The following CFTR variants were observed in gnomAD, a reference collection of about 807,000 sequenced individuals.
CFTR encodes the protein cystic fibrosis transmembrane conductance regulator.
CFTR carries 181 observed loss-of-function variants against 171.6 expected under a neutral mutation model. The observed-to-expected ratio is 1.05, with a 90% confidence interval of 0.93 to 1.19. The LOEUF is 1.19. Among genes scored for constraint, CFTR ranks in the 50% most tolerant of loss-of-function variants. CFTR has a pLI of 0.00. For missense variants in CFTR, 1,968 were observed against 1,734.7 expected, an observed-to-expected ratio of 1.13 and a Z score of -2.39; for synonymous variants, 583 against 608.0, an observed-to-expected ratio of 0.96 and a Z score of 0.60.
intron 3 of CFTR, among the ~76,000 whole-genome samples, chr7:117,523,153 G>A (rs1798710105): frequency 6.6e-6 from 1 of 152,102 alleles, no homozygotes; most frequent in Non-Finnish European, 1.5e-5. Flanking sequence ...TTCGGTTGAG[G>A]AAAGATGACA....
intron 11 of CFTR, among the ~76,000 whole-genome samples, chr7:117,578,650 A>G (rs1253078602): frequency 6.6e-6 from 1 of 152,128 alleles, no homozygotes; most frequent in Non-Finnish European, 1.5e-5. Flanking sequence ...TATATTTATA[A>G]ATGAAACTCA....
Position 117,559,482 on chromosome 7 carries a change from A to G in CFTR, c.1411A>G (p.Ile471Val), listed in dbSNP as rs1459732115. The change falls in exon 11 of 27, where the codon ATT becomes GTT. Residue 471 changes from isoleucine to valine, a missense_variant. Coordinates refer to ENST00000003084, the MANE Select transcript of CFTR (RefSeq NM_000492.4). Reference sequence around the variant, plus strand: ...TTTCCAGACTTCACTTCTAATGGTGATTATGGGAGAACTGGAGCCTTCAGA... The same window carrying G: ...TTTCCAGACTTCACTTCTAATGGTGGTTATGGGAGAACTGGAGCCTTCAGA... The part of the protein sequence containing the change: ...GAGKTSLLMV[I>V]MGELEPSEGK... The G allele has an allele frequency of 1.2e-6, 2 of 1,607,006 alleles. No homozygotes were observed. Among genetic ancestry groups the G allele is most frequent in the Admixed American group, 1.7e-5 (1 of 60,006 alleles).
intron 10 of CFTR, among the ~76,000 whole-genome samples, chr7:117,549,392 C>A (rs530500027): frequency 2.6e-5 from 4 of 152,176 alleles, no homozygotes; most frequent in African/African-American, 7.2e-5. Context: ...CTTAACCTGG[C>A]ATATTTGGAG....
intron 11 of CFTR, among the ~76,000 whole-genome samples, chr7:117,568,455 A>G (rs1237167924): frequency 2.0e-5 from 3 of 152,168 alleles, no homozygotes; most frequent in African/African-American, 4.8e-5. Flanking sequence ...CTTGCCAGGT[A>G]GGAAGGAGTA....
chr7:117,609,516 G>A (rs569307940), intron 18 of CFTR, among the ~76,000 whole-genome samples: 17 of 152,088 alleles, frequency 1.1e-4, no homozygotes, highest in Middle Eastern at 3.4e-3. Flanking sequence ...ACATGTTAGC[G>A]GACTTTGTAC....
chr7:117,573,275 TTAA>T (rs1791723230), intron 11 of CFTR, among the ~76,000 whole-genome samples: 2 of 152,182 alleles, frequency 1.3e-5, no homozygotes, highest in South Asian at 2.1e-4. Context: ...TATGCACTCC[TTAA>T]TAATAAAGTA....
intron 23 of CFTR, among the ~76,000 whole-genome samples, chr7:117,649,392 A>T (rs912780019): frequency 6.7e-6 from 1 of 149,822 alleles, no homozygotes; most frequent in Non-Finnish European, 1.5e-5. Flanking sequence ...CTATATATAC[A>T]CACATATATC....
At chr7:117,525,284 G>A (rs1248858410) in intron 3 of CFTR, among the ~76,000 whole-genome samples, 1 of 151,472 alleles carries the variant, frequency 6.6e-6, no homozygotes, top group Non-Finnish European at 1.5e-5. Flanking sequence ...CATTTGCTGA[G>A]GAGAGCTTTA....
chr7:117,484,662 C>T (rs1798044842), intron 1 of CFTR, among the ~76,000 whole-genome samples: 1 of 151,724 alleles, frequency 6.6e-6, no homozygotes, highest in Admixed American at 6.6e-5. Flanking sequence ...ACCTCCTGTA[C>T]CTGATATATG....
chr7:117,485,112 C>T (rs1034879943), intron 1 of CFTR, among the ~76,000 whole-genome samples: 14 of 152,152 alleles, frequency 9.2e-5, no homozygotes, highest in African/African-American at 3.4e-4. Context: ...TTTAAAGGTC[C>T]TTGAGTGAGT....
intron 1 of CFTR, among the ~76,000 whole-genome samples, chr7:117,483,626 C>G (rs1227924341): frequency 6.6e-6 from 1 of 152,154 alleles, no homozygotes; most frequent in Non-Finnish European, 1.5e-5. Flanking sequence ...GTGACACAAT[C>G]ATAACTCACT....
chr7:117,546,681 A>C (rs2115896107), intron 9 of CFTR, among the ~76,000 whole-genome samples: 1 of 152,302 alleles, frequency 6.6e-6, no homozygotes, highest in East Asian at 1.9e-4. Context: ...TTATTGGATA[A>C]AAGTCCCACT....
chr7:117,559,341 C>A, intron 10 of CFTR, 123 bp from the exon 11 acceptor site: 1 of 736,344 alleles, frequency 1.4e-6, no homozygotes, highest in South Asian at 1.5e-5. Flanking sequence ...TATTTTGAAT[C>A]AAATGAGTTA....
chr7:117,492,577 G>A (rs1798176671), intron 1 of CFTR, among the ~76,000 whole-genome samples: 1 of 151,908 alleles, frequency 6.6e-6, no homozygotes, highest in African/African-American at 2.4e-5. Flanking sequence ...GTCTTCTGAG[G>A]GAAAGAAATT....
At chr7:117,594,161 T>A (rs1279441704) in intron 14 of CFTR, among the ~76,000 whole-genome samples, 1 of 152,140 alleles carries the variant, frequency 6.6e-6, no homozygotes, top group Non-Finnish European at 1.5e-5. Flanking sequence ...AGGATGTTAA[T>A]GGTGGAGGTT....
intron 24 of CFTR, among the ~76,000 whole-genome samples, chr7:117,658,334 G>A (rs1793213784): frequency 6.6e-6 from 1 of 152,142 alleles, no homozygotes; most frequent in African/African-American, 2.4e-5. Flanking sequence ...CCAGCGCAGT[G>A]CCTGGCAAAT....
intron 15 of CFTR, among the ~76,000 whole-genome samples, chr7:117,600,071 C>T (rs960773276): frequency 4.0e-5 from 6 of 151,804 alleles, no homozygotes; most frequent in Non-Finnish European, 7.4e-5. Flanking sequence ...GTAAAATAGG[C>T]TTCCCTTTTG....
At chr7:117,624,782 G>A (rs1446880111) in intron 21 of CFTR, among the ~76,000 whole-genome samples, 2 of 152,114 alleles carry the variant, frequency 1.3e-5, no homozygotes, top group South Asian at 2.1e-4. Flanking sequence ...TATGTTTTGA[G>A]TCCTTAGGCT....
intron 9 of CFTR, among the ~76,000 whole-genome samples, chr7:117,542,865 GCA>G (rs1275246351): frequency 6.6e-6 from 1 of 152,170 alleles, no homozygotes; most frequent in African/African-American, 2.4e-5. Context: ...AGAGTACCAT[GCA>G]CACAGTTGTT....
Sources: gnomAD v4.1 joint callset for allele counts (sites outside exome capture counted in the v4.1 genomes callset) on GRCh38, gnomAD v4.1.1 for gene constraint, MANE v1.5 for transcripts, NCBI Gene and HGNC (gene_info 2026-07-23, HGNC 2026-07-21) for gene names.